The following HTR1F variants were observed in gnomAD, a reference collection of about 807,000 sequenced individuals.
HTR1F encodes 5-hydroxytryptamine (serotonin) receptor 1F, G protein-coupled.
Under a neutral mutation model 24.0 loss-of-function variants are expected in HTR1F, and 17 were observed. That is an observed-to-expected ratio of 0.71 (90% CI 0.48 to 1.06). HTR1F has a LOEUF of 1.06. Ranked by LOEUF, HTR1F falls within the 50% of genes least tolerant of loss-of-function variation. The pLI is 0.00. For synonymous variants in HTR1F, 186 were observed against 156.8 expected, an observed-to-expected ratio of 1.19 and a Z score of -1.39; for missense variants, 391 against 427.8, an observed-to-expected ratio of 0.91 and a Z score of 0.76.
At chr3:87,805,551 T>A (rs917757478) in intron 1 of HTR1F, among the ~76,000 whole-genome samples, 1 of 152,098 alleles carries the variant, frequency 6.6e-6, no homozygotes, top group Admixed American at 6.6e-5. Flanking sequence ...TAATATTTTG[T>A]TGCATGGATA....
At chr3:87,972,255 T>G (rs1269519788) in intron 2 of HTR1F, among the ~76,000 whole-genome samples, 2 of 152,238 alleles carry the variant, frequency 1.3e-5, no homozygotes, top group Admixed American at 1.3e-4. Flanking sequence ...CCCATTACCA[T>G]ATACATATAT....
At chr3:87,867,753 T>A (rs1705459933) in intron 2 of HTR1F, among the ~76,000 whole-genome samples, 2 of 152,284 alleles carry the variant, frequency 1.3e-5, no homozygotes, top group South Asian at 4.1e-4. Context: ...CTAATTTTCT[T>A]CACTGGAGAA....
intron 2 of HTR1F, among the ~76,000 whole-genome samples, chr3:87,900,623 A>G (rs1034642286): frequency 2.0e-5 from 3 of 152,292 alleles, no homozygotes; most frequent in African/African-American, 7.2e-5. Context: ...TGGGGAGTAG[A>G]CTTGAGAGAT....
chr3:87,942,700 A>G (rs1704599502), intron 2 of HTR1F, among the ~76,000 whole-genome samples: 1 of 151,402 alleles, frequency 6.6e-6, no homozygotes, highest in Non-Finnish European at 1.5e-5. Context: ...CAGGGCCTCC[A>G]AAGTCCACTT....
chr3:87,927,907 T>A (rs1443143444), intron 2 of HTR1F, among the ~76,000 whole-genome samples: 2 of 152,160 alleles, frequency 1.3e-5, no homozygotes, highest in African/African-American at 2.4e-5. Context: ...TTAAAGCTTT[T>A]AAAAATTTTT....
chr3:87,816,935 C>T (rs548036935), intron 1 of HTR1F, among the ~76,000 whole-genome samples: 2 of 152,004 alleles, frequency 1.3e-5, no homozygotes, highest in Admixed American at 1.3e-4. Context: ...ATTATGGCCC[C>T]CCACTTTAAA....
rs541683027 is a variant in HTR1F at position 87,940,482 on chromosome 3, T to G, written c.-42-50226T>G. ...CTCTTCGAAGAGAACCACAAATCCT[T>G]GCTCAAGGAAATAAGAGAGGACACA... On this transcript the variant is annotated intron_variant, in intron 2 of 2. Transcript: ENST00000319595. 1.4e-4 allele frequency among the ~76,000 whole-genome samples: 22 copies of G among 152,306 alleles called. No homozygotes were observed. In the South Asian group the frequency reaches 3.5e-3, roughly 24 times the overall value.
intron 2 of HTR1F, among the ~76,000 whole-genome samples, chr3:87,989,046 G>A (rs1425045160): frequency 6.6e-6 from 1 of 152,058 alleles, no homozygotes; most frequent in African/African-American, 2.4e-5. Flanking sequence ...TATAGTAATA[G>A]CTCTACCTAA....
chr3:87,921,737 C>T lies in HTR1F; in HGVS notation c.-42-68971C>T, dbSNP rs1234047108. On this transcript the variant is annotated intron_variant, in intron 2 of 2. Coordinates refer to ENST00000319595, the MANE Select transcript of HTR1F (RefSeq NM_001322209.2). ...CTTATCCACTCTCCTCGCTACCCTT[C>T]CCAGGCTATAGTAACAACTATTCGA... Among the ~76,000 whole-genome samples, 3 of 151,862 alleles carry T rather than the reference C, an allele frequency of 2.0e-5. No individual in the cohort carries two copies. The South Asian group carries it at 6.2e-4, about 31-fold the overall frequency.
At chr3:87,965,315 T>C (rs1412268656) in intron 2 of HTR1F, among the ~76,000 whole-genome samples, 6 of 152,216 alleles carry the variant, frequency 3.9e-5, no homozygotes, top group African/African-American at 1.4e-4. Flanking sequence ...AAGCGAGTAA[T>C]ATTCTACATT....
chr3:87,932,571 A>G (rs1704306557), intron 2 of HTR1F, among the ~76,000 whole-genome samples: 1 of 152,096 alleles, frequency 6.6e-6, no homozygotes, highest in South Asian at 2.1e-4. Context: ...GTTTTTTCCA[A>G]TTCTGTGAAG....
chr3:87,896,620 A>T (rs1706204439), intron 2 of HTR1F, among the ~76,000 whole-genome samples: 1 of 152,172 alleles, frequency 6.6e-6, no homozygotes, highest in Non-Finnish European at 1.5e-5. Context: ...ACAATCAACA[A>T]AGTGAAAAGG....
chr3:87,937,812 T>A (rs1408608911), intron 2 of HTR1F, among the ~76,000 whole-genome samples: 1 of 151,426 alleles, frequency 6.6e-6, no homozygotes, highest in Admixed American at 6.6e-5. Flanking sequence ...TAGTCCCAGC[T>A]ACTCAGGAGA....
chr3:87,913,281 G>A (rs1443082746), intron 2 of HTR1F, among the ~76,000 whole-genome samples: 1 of 152,084 alleles, frequency 6.6e-6, no homozygotes, highest in Non-Finnish European at 1.5e-5. Context: ...CAAAGGGCAT[G>A]AACAGACACC....
intron 2 of HTR1F, among the ~76,000 whole-genome samples, chr3:87,894,546 T>C (rs965288871): frequency 1.4e-5 from 2 of 145,866 alleles, no homozygotes; most frequent in Non-Finnish European, 3.0e-5. Context: ...ATGTGAGCCA[T>C]GTTGCCCAGC....
chr3:87,901,527 T>A (rs924476930), intron 2 of HTR1F, among the ~76,000 whole-genome samples: 2 of 152,156 alleles, frequency 1.3e-5, no homozygotes, highest in African/African-American at 4.8e-5. Flanking sequence ...TAAGTAGTAG[T>A]GGCCTGAGAT....
intron 2 of HTR1F, among the ~76,000 whole-genome samples, chr3:87,905,565 G>A (rs1703646777): frequency 6.6e-6 from 1 of 151,974 alleles, no homozygotes; most frequent in Non-Finnish European, 1.5e-5. Context: ...GCAGAACGTT[G>A]GGATGCTCCC....
At chr3:87,901,811 T>C (rs546540210) in intron 2 of HTR1F, among the ~76,000 whole-genome samples, 1 of 152,196 alleles carries the variant, frequency 6.6e-6, no homozygotes, top group East Asian at 1.9e-4. Flanking sequence ...AGGAATGGCT[T>C]TTCTAGTGAC....
chr3:87,831,010 G>A (rs1019866398), intron 2 of HTR1F, among the ~76,000 whole-genome samples: 11 of 152,112 alleles, frequency 7.2e-5, no homozygotes, highest in African/African-American at 2.2e-4. Flanking sequence ...GTCCTATTCA[G>A]TGCAATATCC....
Sources: gnomAD v4.1 joint callset for allele counts (sites outside exome capture counted in the v4.1 genomes callset) on GRCh38, gnomAD v4.1.1 for gene constraint, MANE v1.5 for transcripts, NCBI Gene and HGNC (gene_info 2026-07-23, HGNC 2026-07-21) for gene names.